SLC24A2: variants seen among roughly 807,000 people sequenced by gnomAD.
The protein encoded by SLC24A2 is solute carrier family 24 member 2, also known as sodium/potassium/calcium exchanger 2.
SLC24A2 carries 36 observed loss-of-function variants against 62.0 expected under a neutral mutation model. The observed-to-expected ratio is 0.58, with a 90% CI of 0.44 to 0.77. SLC24A2 has a LOEUF of 0.77. Among genes scored for constraint, SLC24A2 ranks in the 30% least tolerant of loss-of-function variants. SLC24A2 has a pLI of 0.00. For synonymous variants in SLC24A2, 358 were observed against 294.0 expected, an observed-to-expected ratio of 1.22 and a Z score of -2.23; for missense variants, 846 against 817.9, an observed-to-expected ratio of 1.03 and a Z score of -0.42.
chr9:20,165,691 G>A, the SLC24A2 span, among the ~76,000 whole-genome samples: 1 of 151,730 alleles, frequency 6.6e-6, no homozygotes, highest in African/African-American at 2.4e-5. Flanking sequence ...ATAAGTACTA[G>A]AACAAAACCT....
chr9:19,771,189 C>T (rs980165164), intron 2 of SLC24A2, among the ~76,000 whole-genome samples: 49 of 152,138 alleles, frequency 3.2e-4, no homozygotes, highest in African/African-American at 5.8e-4. Context: ...CCCAGGGAAA[C>T]GGAGATAGAG....
the SLC24A2 span, among the ~76,000 whole-genome samples, chr9:20,111,044 A>G: frequency 6.6e-6 from 1 of 152,330 alleles, no homozygotes; most frequent in Non-Finnish European, 1.5e-5. Flanking sequence ...TGTGAATTCA[A>G]GTAAAATGTG....
At chr9:19,882,346 T>A in the SLC24A2 span, among the ~76,000 whole-genome samples, 1 of 152,246 alleles carries the variant, frequency 6.6e-6, no homozygotes, top group Non-Finnish European at 1.5e-5. Context: ...AGCATCTTTA[T>A]TTGCTTATTA....
intron 2 of SLC24A2, among the ~76,000 whole-genome samples, chr9:19,678,131 C>G (rs1279288234): frequency 1.3e-5 from 2 of 152,190 alleles, no homozygotes; most frequent in Non-Finnish European, 2.9e-5. Context: ...ACTCCCAGGA[C>G]TGTTATGAAG....
At chr9:20,038,066 G>A in the SLC24A2 span, among the ~76,000 whole-genome samples, 1 of 152,268 alleles carries the variant, frequency 6.6e-6, no homozygotes, top group East Asian at 1.9e-4. Flanking sequence ...GATGTTTCAG[G>A]TTTTCAGCTC....
In SLC24A2 at chr9:19,509,718, CTG is replaced by C. The variant is rs1272718022; in HGVS notation, c.*6433_*6434del. 1 of 152,048 alleles carries C rather than the reference CTG, an allele frequency of 6.6e-6. No homozygotes were observed. The highest frequency in any genetic ancestry group is 1.9e-4 in the East Asian group (1 of 5,200). The allele number at this position is 152,048 out of a possible 1,614,324, so 9.4% of individuals were successfully genotyped here. ...AGGATTTCAGACTTTTTTTACTTTT[CTG>C]TTTTTTATGACATGATTTTAAAAAT... On this transcript the variant is annotated 3_prime_UTR_variant, in exon 11 of 11. Transcript: ENST00000341998.
At chr9:20,032,059 T>C in the SLC24A2 span, among the ~76,000 whole-genome samples, 1 of 152,214 alleles carries the variant, frequency 6.6e-6, no homozygotes, top group Non-Finnish European at 1.5e-5. Flanking sequence ...ACTATGCGTC[T>C]AGTCTGATGG....
chr9:19,829,802 TATATATATACACACACACAC>T, the SLC24A2 span, among the ~76,000 whole-genome samples: 14 of 33,244 alleles, frequency 4.2e-4, no homozygotes, highest in South Asian at 1.3e-3. Flanking sequence ...TGTGTGTATA[TATATATATACACACACACAC>T]ACACACACAC....
the SLC24A2 span, among the ~76,000 whole-genome samples, chr9:20,157,136 G>T: frequency 6.6e-6 from 1 of 151,482 alleles, no homozygotes; most frequent in African/African-American, 2.4e-5. Context: ...AAGTAAGTGG[G>T]GAAGACACAG....
intron 7 of SLC24A2, among the ~76,000 whole-genome samples, chr9:19,563,716 A>G (rs1835514773): frequency 8.3e-6 from 1 of 120,366 alleles, no homozygotes; most frequent in South Asian, 3.0e-4. Flanking sequence ...CTTTTCCAAC[A>G]ATCTGTAACA....
intron 4 of SLC24A2, among the ~76,000 whole-genome samples, chr9:19,616,362 T>C (rs1817767749): frequency 6.6e-6 from 1 of 152,204 alleles, no homozygotes. Flanking sequence ...TTCCTGATTT[T>C]ACAGATGAGG....
At chr9:19,718,458 ATTTTTTTTT>A (rs58736549) in intron 2 of SLC24A2, among the ~76,000 whole-genome samples, 83 of 99,780 alleles carry the variant, frequency 8.3e-4, no homozygotes, top group African/African-American at 2.8e-3. Flanking sequence ...ATGCCTGGCT[ATTTTTTTTT>A]TTTTTTTTTT....
the SLC24A2 span, among the ~76,000 whole-genome samples, chr9:19,850,985 G>GTATATA: frequency 5.2e-5 from 1 of 19,236 alleles, no homozygotes; most frequent in African/African-American, 1.7e-4. Context: ...ATATATATAT[G>GTATATA]TATATATATA....
At chr9:19,778,282 A>G (rs1822903723) in intron 2 of SLC24A2, among the ~76,000 whole-genome samples, 1 of 152,218 alleles carries the variant, frequency 6.6e-6, no homozygotes, top group Non-Finnish European at 1.5e-5. Context: ...CTGACCAAAT[A>G]CAAGTCCAGA....
chr9:20,226,430 A>C, the SLC24A2 span, among the ~76,000 whole-genome samples: 1 of 152,146 alleles, frequency 6.6e-6, no homozygotes, highest in Admixed American at 6.6e-5. Flanking sequence ...GGCATCTGGG[A>C]ATGTAAACTC....
the SLC24A2 span, among the ~76,000 whole-genome samples, chr9:20,183,283 A>T: frequency 8.5e-5 from 13 of 152,192 alleles, no homozygotes; most frequent in Admixed American, 8.5e-4. Context: ...GATTAACCAT[A>T]ATATAAGTAA....
intron 2 of SLC24A2, among the ~76,000 whole-genome samples, chr9:19,784,012 C>T (rs1823089007): frequency 6.6e-6 from 1 of 152,076 alleles, no homozygotes; most frequent in Admixed American, 6.5e-5. Flanking sequence ...CTAGAATTCC[C>T]AAATTTTAGA....
the SLC24A2 span, among the ~76,000 whole-genome samples, chr9:19,897,482 A>C: frequency 6.6e-6 from 1 of 152,290 alleles, no homozygotes; most frequent in South Asian, 2.1e-4. Context: ...TTATAGATGT[A>C]TATGTCAATA....
chr9:19,786,168 C>G lies in SLC24A2; in HGVS notation c.699G>C (p.Leu233=). Reference sequence around the variant, plus strand: ...CATCTCGAAAGAGCGGCCACCATGTCAGGTTTAAGATTTCTCTAGAAAACA... The same window carrying G: ...CATCTCGAAAGAGCGGCCACCATGTGAGGTTTAAGATTTCTCTAGAAAACA... The part of the protein sequence containing the change: ...CALFSREILN[L]TWWPLFRDVS... The change falls in exon 2 of 11, where the codon CTG becomes CTC. Residue 233 remains leucine (L), a synonymous_variant. Coordinates refer to ENST00000341998, the MANE Select transcript of SLC24A2 (RefSeq NM_020344.4). The surrounding 1 kb of genome is among the most constrained non-coding windows in gnomAD (Gnocchi z 5.0). 1 of 1,614,130 alleles carries G rather than the reference C, an allele frequency of 6.2e-7. No homozygotes were observed. The highest frequency in any genetic ancestry group is 8.5e-7 in the Non-Finnish European group (1 of 1,180,020).
Sources: allele counts gnomAD v4.1 joint callset (sites outside exome capture counted in the v4.1 genomes callset), GRCh38; gene constraint gnomAD v4.1.1; non-coding constraint Gnocchi (gnomAD v3.1); transcripts MANE v1.5; gene names NCBI Gene and HGNC (gene_info 2026-07-23, HGNC 2026-07-21).